Variants in USP6NL observed in about 807,000 individuals in gnomAD.
USP6NL encodes the protein USP6 N-terminal-like protein.
USP6NL carries 26 observed loss-of-function variants against 61.9 expected under a neutral mutation model. That is an observed-to-expected ratio of 0.42 (90% CI 0.31 to 0.58). The LOEUF (loss-of-function observed/expected upper bound fraction) is 0.58. Among genes scored for constraint, USP6NL ranks in the 20% least tolerant of loss-of-function variants. USP6NL has a pLI of 0.16. For missense variants in USP6NL, 1,114 were observed against 1,034.3 expected, an observed-to-expected ratio of 1.08 and a Z score of -1.06; for synonymous variants, 432 against 390.1, an observed-to-expected ratio of 1.11 and a Z score of -1.27.
intron 2 of USP6NL, among the ~76,000 whole-genome samples, chr10:11,555,433 A>ATATAT (rs1555171083): frequency 2.0e-5 from 1 of 49,028 alleles, no homozygotes; most frequent in East Asian, 9.0e-4. Context: ...AAAAAAAAAA[A>ATATAT]ATATATATAT....
intron 2 of USP6NL, among the ~76,000 whole-genome samples, chr10:11,594,953 C>A (rs369614443): frequency 6.6e-6 from 1 of 152,172 alleles, no homozygotes; most frequent in Non-Finnish European, 1.5e-5. Flanking sequence ...AGGAGGCAGG[C>A]AGAGTGCTAT....
In USP6NL at chr10:11,587,625, G is replaced by A. The variant is rs1397686242; in HGVS notation, c.4+10006C>T. 6.6e-6 allele frequency among the ~76,000 whole-genome samples: 1 copy of A among 152,116 alleles called. No individual in the cohort carries two copies. The highest frequency in any genetic ancestry group is 1.5e-5 in the Non-Finnish European group (1 of 68,026). ...CTTTAGTGAAGCAATCTCAATTTAT[G>A]TACAAATAGCTATAGCTGTTTTATT... On this transcript the variant is annotated intron_variant, in intron 2 of 14. Coordinates refer to ENST00000609104, the MANE Select transcript of USP6NL (RefSeq NM_014688.5). The surrounding 1 kb of genome is among the most constrained non-coding windows in gnomAD (Gnocchi z 4.5).
intron 2 of USP6NL, among the ~76,000 whole-genome samples, chr10:11,567,558 C>G (rs184281632): frequency 1.3e-5 from 2 of 152,284 alleles, no homozygotes; most frequent in East Asian, 3.9e-4. Flanking sequence ...TTTCCAAGTA[C>G]AAATGAGCTG....
chr10:11,524,681 A>G (rs1835348551), intron 4 of USP6NL, among the ~76,000 whole-genome samples: 1 of 152,134 alleles, frequency 6.6e-6, no homozygotes, highest in African/African-American at 2.4e-5. Flanking sequence ...TTTTTTTCCT[A>G]TTTATAATAA....
rs1833414986 is a variant in USP6NL, at chr10:11,485,339, C to T, written c.760-105G>A. On this transcript the variant is annotated intron_variant, in intron 11 of 14. Transcript: ENST00000609104. The surrounding 1 kb of genome is among the most constrained non-coding windows in gnomAD (Gnocchi z 4.8). ...TGGATGCAGCTATCAAAGCTAAACA[C>T]ATTTACTTCTCAAAATCACTCCAAG... 2.4e-6 allele frequency: 2 copies of T among 842,058 alleles called. No homozygotes were observed. The highest frequency in any genetic ancestry group is 3.2e-5 in the Admixed American group (1 of 31,366). The allele number at this position is 842,058 out of a possible 1,614,324, so 52.2% of individuals were successfully genotyped here. A position where few individuals can be genotyped will look rare whatever the true frequency, so the allele number is the denominator to read the frequency against.
Position 11,506,398 on chromosome 10 carries a change from T to C in USP6NL, c.276+3197A>G, listed in dbSNP as rs565501091. ...GGCTCATGCCTGTAATCCCAATGCTTTTGGAGGCTGAGGCAGGAGAATCAT... is the reference window on the plus strand; with the variant it reads ...GGCTCATGCCTGTAATCCCAATGCTCTTGGAGGCTGAGGCAGGAGAATCAT... On this transcript the variant is annotated intron_variant, in intron 6 of 14. Coordinates refer to ENST00000609104, the MANE Select transcript of USP6NL (RefSeq NM_014688.5). 2.6e-5 allele frequency among the ~76,000 whole-genome samples: 4 copies of C among 152,262 alleles called. No homozygotes were observed. In the East Asian group the frequency reaches 7.7e-4, roughly 29 times the overall value.
At chr10:11,571,140 A>G (rs1024255573) in intron 2 of USP6NL, among the ~76,000 whole-genome samples, 8 of 151,392 alleles carry the variant, frequency 5.3e-5, no homozygotes, top group African/African-American at 1.9e-4. Context: ...CTGGAGTGCA[A>G]TGGCGCAATC....
At chr10:11,543,377 T>C (rs1327955889) in intron 2 of USP6NL, among the ~76,000 whole-genome samples, 1 of 151,784 alleles carries the variant, frequency 6.6e-6, no homozygotes, top group East Asian at 1.9e-4. Context: ...CCGTCTCTAC[T>C]AAAAAACACA....
intron 7 of USP6NL, 29 bp from the exon 8 acceptor site, chr10:11,493,257 A>T: frequency 6.5e-7 from 1 of 1,550,022 alleles, no homozygotes; most frequent in Non-Finnish European, 8.8e-7. Context: ...AACAGAACAG[A>T]TTTTTATGGA....
At chr10:11,584,938 C>CA (rs1265483532) in intron 2 of USP6NL, among the ~76,000 whole-genome samples, 4 of 151,626 alleles carry the variant, frequency 2.6e-5, no homozygotes, top group African/African-American at 9.7e-5. Context: ...ACCCCTGTCT[C>CA]AAAAAAACAA....
intron 2 of USP6NL, among the ~76,000 whole-genome samples, chr10:11,547,578 C>T (rs1037564757): frequency 8.3e-5 from 12 of 143,822 alleles, no homozygotes; most frequent in African/African-American, 1.0e-4. Flanking sequence ...CTCACTCTGT[C>T]GCCCACGCTG....
chr10:11,603,048 AAGG>A (rs1299530332), intron 1 of USP6NL, among the ~76,000 whole-genome samples: 12 of 152,346 alleles, frequency 7.9e-5, no homozygotes, highest in South Asian at 2.1e-4. Flanking sequence ...GCTAGAGAGA[AAGG>A]AGGTTTGTTT....
intron 2 of USP6NL, among the ~76,000 whole-genome samples, chr10:11,530,412 T>C (rs542667286): frequency 9.2e-5 from 14 of 152,296 alleles, no homozygotes; most frequent in Non-Finnish European, 1.3e-4. Context: ...CTATAAAATA[T>C]AAAGCTTTAC....
In USP6NL at chr10:11,562,186, C is replaced by T. The variant is rs1011167225; in HGVS notation, c.5-34619G>A. Among the ~76,000 whole-genome samples the T allele has an allele frequency of 2.7e-5, 4 of 150,404 alleles. No homozygotes were observed. Among genetic ancestry groups the T allele is most frequent in the Admixed American group, 1.3e-4 (2 of 14,988 alleles). ...TCCCAGCTACTTGGGAGGCTGAAGCCGGTAGGCGGAGGTTGCAGTGAGCCG... is the reference window on the plus strand; with the variant it reads ...TCCCAGCTACTTGGGAGGCTGAAGCTGGTAGGCGGAGGTTGCAGTGAGCCG... On this transcript the variant is annotated intron_variant, in intron 2 of 14. Transcript: ENST00000609104. The surrounding 1 kb of genome is among the most constrained non-coding windows in gnomAD (Gnocchi z 4.8).
intron 10 of USP6NL, among the ~76,000 whole-genome samples, chr10:11,486,428 A>T (rs568739875): frequency 1.3e-5 from 2 of 152,326 alleles, no homozygotes; most frequent in East Asian, 3.9e-4. Context: ...AAATACAGGC[A>T]CTAGATGATC....
chr10:11,607,034 C>T (rs1838727468), intron 1 of USP6NL, among the ~76,000 whole-genome samples: 1 of 152,154 alleles, frequency 6.6e-6, no homozygotes, highest in Admixed American at 6.5e-5. Context: ...ATGTGATCCA[C>T]CCACCTGGCC....
chr10:11,579,176 G>C (rs1479849259), intron 2 of USP6NL, among the ~76,000 whole-genome samples: 1 of 152,210 alleles, frequency 6.6e-6, no homozygotes, highest in Non-Finnish European at 1.5e-5. Flanking sequence ...TAACCAAGAA[G>C]AATGTGCTAA....
At position 11,537,546 on chromosome 10, in the gene USP6NL, C is replaced by A. The variant is rs1409451723; in HGVS notation, c.5-9979G>T. Among the ~76,000 whole-genome samples, 3 of 152,224 alleles carry A rather than the reference C, an allele frequency of 2.0e-5. No homozygotes were observed. The highest frequency in any genetic ancestry group is 4.4e-5 in the Non-Finnish European group (3 of 68,040). On this transcript the variant is annotated intron_variant, in intron 2 of 14. Transcript: ENST00000609104. The surrounding 1 kb of genome is among the most constrained non-coding windows in gnomAD (Gnocchi z 5.1). Reference sequence around the variant, plus strand: ...ATACCTTCCCATTCAAAATATTTCTCGTATCACCAATAGCATTATTACCAT... The same window carrying A: ...ATACCTTCCCATTCAAAATATTTCTAGTATCACCAATAGCATTATTACCAT...
At chr10:11,521,389 A>AT (rs1045846647) in intron 4 of USP6NL, among the ~76,000 whole-genome samples, 7 of 131,564 alleles carry the variant, frequency 5.3e-5, no homozygotes, top group South Asian at 2.6e-4. Context: ...TTTTTTTTAA[A>AT]TTTTTTTTTT....
Sources: gnomAD v4.1 joint callset for allele counts (sites outside exome capture counted in the v4.1 genomes callset) on GRCh38, gnomAD v4.1.1 for gene constraint, Gnocchi (gnomAD v3.1) non-coding constraint, MANE v1.5 for transcripts, NCBI Gene and HGNC (gene_info 2026-07-23, HGNC 2026-07-21) for gene names.